The following ZBTB20 variants were observed in gnomAD, a reference collection of about 807,000 sequenced individuals.
ZBTB20 encodes the protein zinc finger and BTB domain-containing protein 20.
Under a neutral mutation model 56.9 loss-of-function variants are expected in ZBTB20, and 9 were observed. The observed-to-expected ratio is 0.16, with a 90% CI of 0.10 to 0.28. ZBTB20 has a LOEUF of 0.28. ZBTB20 is among the 10% of genes least tolerant of loss of function. The probability of loss-of-function intolerance (pLI) is 1.00; values close to 1 mark genes in which losing one functional copy is unlikely to be tolerated. For missense variants in ZBTB20, 655 were observed against 1,003.0 expected (o/e 0.65, Z 4.69); for synonymous variants, 417 against 420.7 (o/e 0.99, Z 0.11).
chr3:114,570,019 T>G (rs1343448288), intron 6 of ZBTB20, among the ~76,000 whole-genome samples: 2 of 146,206 alleles, frequency 1.4e-5, no homozygotes, highest in Non-Finnish European at 3.0e-5. Flanking sequence ...TAATTTGTGT[T>G]GGCAAAATAT....
At chr3:115,137,584 T>C (rs1269902365) in intron 1 of ZBTB20, among the ~76,000 whole-genome samples, 1 of 152,060 alleles carries the variant, frequency 6.6e-6, no homozygotes, top group Non-Finnish European at 1.5e-5. Flanking sequence ...TTAAAGTACA[T>C]AATAAAAGTC....
rs537091111 is a variant in ZBTB20 at position 114,339,171 on chromosome 3, C to T, written c.2060G>A (p.Ser687Asn). Residue 687 changes from serine (S) to asparagine (N), a missense_variant, in exon 12 of 12, where the codon AGC becomes AAC. Ser to Asn is a conservative substitution (Grantham distance 46, BLOSUM62 1). Transcript: ENST00000675478. The surrounding 1 kb of genome is among the most constrained non-coding windows in gnomAD (Gnocchi z 4.2). ...TGTGCCTGCAGGGGGGGTCCCATTG[C>T]TGGCACTGTGCAGGGCCACGTGTCG... ...LERHVALHSA[S>N]NGTPPAGTPP... 14 of 1,614,178 alleles carry T rather than the reference C, an allele frequency of 8.7e-6. No homozygotes were observed. In the South Asian group the frequency reaches 1.5e-4, roughly 18 times the overall value.
chr3:114,566,240 G>A (rs955951064), intron 6 of ZBTB20, among the ~76,000 whole-genome samples: 2 of 152,134 alleles, frequency 1.3e-5, no homozygotes, highest in African/African-American at 4.8e-5. Flanking sequence ...AAACACGGAA[G>A]CTTGAAACTC....
intron 4 of ZBTB20, chr3:114,861,702 A>AAAC (rs1560333844): frequency 3.0e-4 from 14 of 46,200 alleles, no homozygotes; most frequent in African/African-American, 4.8e-4. Context: ...CACACACACA[A>AAAC]ACACACACAC....
intron 6 of ZBTB20, among the ~76,000 whole-genome samples, chr3:114,657,951 T>TA (rs756199680): frequency 2.0e-5 from 3 of 152,202 alleles, no homozygotes; most frequent in Non-Finnish European, 4.4e-5. Context: ...GGTTTTATGT[T>TA]AGATAGCACT....
At chr3:114,638,511 A>G (rs1383072048) in intron 6 of ZBTB20, among the ~76,000 whole-genome samples, 2 of 152,106 alleles carry the variant, frequency 1.3e-5, no homozygotes, top group East Asian at 3.8e-4. Context: ...TAATAATAGT[A>G]ACATTCATAA....
chr3:114,596,692 A>G (rs2056340724), intron 6 of ZBTB20, among the ~76,000 whole-genome samples: 1 of 152,168 alleles, frequency 6.6e-6, no homozygotes, highest in African/African-American at 2.4e-5. Flanking sequence ...TCACAGATAA[A>G]TGAATTTTCA....
intron 1 of ZBTB20, among the ~76,000 whole-genome samples, chr3:115,143,179 CTAAATGAT>C (rs1414824910): frequency 3.3e-5 from 5 of 152,152 alleles, no homozygotes; most frequent in Non-Finnish European, 7.3e-5. Context: ...CACCTACAGA[CTAAATGAT>C]TAAAGTATTG....
intron 6 of ZBTB20, among the ~76,000 whole-genome samples, chr3:114,633,689 T>A (rs759370945): frequency 2.0e-5 from 3 of 152,148 alleles, no homozygotes; most frequent in Non-Finnish European, 4.4e-5. Context: ...CTTTTCTACT[T>A]GCACTGGGCT....
chr3:114,962,170 G>T (rs1388792289), intron 3 of ZBTB20, among the ~76,000 whole-genome samples: 1 of 147,592 alleles, frequency 6.8e-6, no homozygotes, highest in Non-Finnish European at 1.5e-5. Flanking sequence ...CACATGCACA[G>T]TTGCTATATT....
intron 4 of ZBTB20, among the ~76,000 whole-genome samples, chr3:114,862,679 A>T (rs1487022418): frequency 6.6e-6 from 1 of 152,114 alleles, no homozygotes; most frequent in East Asian, 1.9e-4. Context: ...CCTGGATGGT[A>T]GTGAGGGTTC....
chr3:115,043,594 A>G (rs1417700750), intron 2 of ZBTB20, among the ~76,000 whole-genome samples: 3 of 41,104 alleles, frequency 7.3e-5, no homozygotes, highest in African/African-American at 1.5e-4. Context: ...AATAAAATAA[A>G]ATAAAATAAA....
intron 5 of ZBTB20, among the ~76,000 whole-genome samples, chr3:114,751,080 T>G (rs1413153738): frequency 6.6e-6 from 1 of 152,174 alleles, no homozygotes; most frequent in East Asian, 1.9e-4. Context: ...ACCAAGTTCC[T>G]ACTGTGTGTC....
chr3:114,918,921 C>A (rs541379519), intron 3 of ZBTB20, among the ~76,000 whole-genome samples: 1 of 152,278 alleles, frequency 6.6e-6, no homozygotes, highest in Admixed American at 6.5e-5. Context: ...CCAAGCCTAG[C>A]AGAGCACTAG....
intron 2 of ZBTB20, among the ~76,000 whole-genome samples, chr3:115,013,749 G>T (rs1231698676): frequency 1.3e-5 from 2 of 151,560 alleles, no homozygotes; most frequent in African/African-American, 4.8e-5. Flanking sequence ...AAATGGCTTT[G>T]ATCCAAAAGA....
At chr3:114,720,267 A>G (rs991079971) in intron 5 of ZBTB20, among the ~76,000 whole-genome samples, 1 of 149,770 alleles carries the variant, frequency 6.7e-6, no homozygotes, top group Non-Finnish European at 1.5e-5. Flanking sequence ...ATTTAAATAT[A>G]TATCTAAATA....
chr3:114,729,760 A>AT (rs754955874), intron 5 of ZBTB20, among the ~76,000 whole-genome samples: 4 of 152,038 alleles, frequency 2.6e-5, no homozygotes, highest in East Asian at 3.9e-4. Flanking sequence ...TTTTTAGAGA[A>AT]TTGCAGAATT....
chr3:114,895,479 TC>T (rs901328934), intron 4 of ZBTB20, among the ~76,000 whole-genome samples: 2 of 152,158 alleles, frequency 1.3e-5, no homozygotes, highest in African/African-American at 4.8e-5. Context: ...AATGTGAGCA[TC>T]CCCATCTTAA....
chr3:114,513,432 C>T (rs1245312424), intron 6 of ZBTB20, among the ~76,000 whole-genome samples: 1 of 152,122 alleles, frequency 6.6e-6, no homozygotes, highest in Non-Finnish European at 1.5e-5. Flanking sequence ...ACCAAATTAT[C>T]GCTTATGTTC....
Sources: gnomAD v4.1 joint callset for allele counts (sites outside exome capture counted in the v4.1 genomes callset) on GRCh38, gnomAD v4.1.1 for gene constraint, Gnocchi (gnomAD v3.1) non-coding constraint, MANE v1.5 for transcripts, NCBI Gene and HGNC (gene_info 2026-07-23, HGNC 2026-07-21) for gene names.